UNC5C: variants seen among roughly 807,000 people sequenced by gnomAD.
The protein encoded by UNC5C is unc-5 netrin receptor C, also known as netrin receptor UNC5C.
UNC5C carries 47 observed loss-of-function variants against 99.8 expected under a neutral mutation model. That is an observed-to-expected ratio of 0.47 (90% CI 0.37 to 0.60). UNC5C has a LOEUF of 0.60. UNC5C is among the 20% of genes least tolerant of loss of function. The pLI is 0.00. For synonymous variants in UNC5C, 487 were observed against 452.2 expected, an observed-to-expected ratio of 1.08 and a Z score of -0.98; for missense variants, 1,062 against 1,165.9, an observed-to-expected ratio of 0.91 and a Z score of 1.30.
At chr4:95,441,989 T>C (rs915027067) in intron 1 of UNC5C, among the ~76,000 whole-genome samples, 1 of 152,166 alleles carries the variant, frequency 6.6e-6, no homozygotes, top group African/African-American at 2.4e-5. Context: ...ACCTGGTTAG[T>C]GTAAAGAATT....
Position 95,165,453 on chromosome 4 carries a change from T to G in UNC5C, c.*3781A>C, listed in dbSNP as rs1167571342. 6.6e-6 allele frequency: 1 copy of G among 152,228 alleles called. No homozygotes were observed. The highest frequency in any genetic ancestry group is 1.5e-5 in the Non-Finnish European group (1 of 68,050). 9.4% of individuals were successfully genotyped at this position (152,228 alleles called of 1,614,324 possible). ...GACTGTTCATTTGGAAGATGCCGTT[T>G]GTGAAACAGCTGTTAGCTGTGAGAA... On this transcript the variant is annotated 3_prime_UTR_variant, in exon 16 of 16. Transcript: ENST00000453304.
intron 2 of UNC5C, among the ~76,000 whole-genome samples, chr4:95,306,791 C>T (rs1002523512): frequency 1.3e-5 from 2 of 152,148 alleles, no homozygotes; most frequent in African/African-American, 4.8e-5. Flanking sequence ...AGAAGAACTG[C>T]AGAGCTCCCT....
chr4:95,476,465 T>C (rs956208039), intron 1 of UNC5C, among the ~76,000 whole-genome samples: 1 of 152,066 alleles, frequency 6.6e-6, no homozygotes. Context: ...AGATGAAATA[T>C]TGCACAAATT....
chr4:95,546,965 C>G (rs1038051746), intron 1 of UNC5C, among the ~76,000 whole-genome samples: 4 of 152,026 alleles, frequency 2.6e-5, no homozygotes, highest in Admixed American at 2.6e-4. Flanking sequence ...TGGCTCAGTC[C>G]TTTGTATGCC....
chr4:95,403,145 T>TA (rs1408267654), intron 1 of UNC5C, among the ~76,000 whole-genome samples: 2 of 151,988 alleles, frequency 1.3e-5, no homozygotes, highest in East Asian at 1.9e-4. Flanking sequence ...GCAATAAAAA[T>TA]AAAAAAAGAG....
intron 1 of UNC5C, among the ~76,000 whole-genome samples, chr4:95,347,192 G>A (rs994617422): frequency 6.6e-6 from 1 of 151,836 alleles, no homozygotes; most frequent in African/African-American, 2.4e-5. Context: ...AAAATCCCTA[G>A]GCATTAATTA....
chr4:95,512,877 T>G (rs1722115341), intron 1 of UNC5C, among the ~76,000 whole-genome samples: 1 of 152,172 alleles, frequency 6.6e-6, no homozygotes, highest in African/African-American at 2.4e-5. Flanking sequence ...AAATTATTAA[T>G]CAGAAGTATT....
At chr4:95,333,038 T>A (rs1743182939) in intron 2 of UNC5C, among the ~76,000 whole-genome samples, 1 of 152,114 alleles carries the variant, frequency 6.6e-6, no homozygotes, top group Non-Finnish European at 1.5e-5. Context: ...CCCACACCAG[T>A]TAGAATGGCA....
intron 12 of UNC5C, among the ~76,000 whole-genome samples, chr4:95,195,980 A>G (rs949218831): frequency 1.3e-5 from 2 of 152,192 alleles, no homozygotes; most frequent in African/African-American, 4.8e-5. Flanking sequence ...AATTCAATAA[A>G]TATCATACAC....
chr4:95,375,893 C>A (rs181360839), intron 1 of UNC5C, among the ~76,000 whole-genome samples: 1 of 151,862 alleles, frequency 6.6e-6, no homozygotes, highest in Non-Finnish European at 1.5e-5. Context: ...CTGGCTAACA[C>A]GGTGAAACCC....
Position 95,335,359 on chromosome 4 carries a change from TAGTG to T in UNC5C, c.346+47_346+50del, listed in dbSNP as rs778642104. On this transcript the variant is annotated intron_variant, in intron 2 of 15. Transcript: ENST00000453304. ...ATAACAGTATGTCCACATGCTAGAG[TAGTG>T]AGTAAGTGAATCTTGAAGTGCAATG... The T allele has an allele frequency of 8.7e-5, 129 of 1,482,136 alleles. 4 individuals are homozygous for T. The South Asian group carries it at 1.4e-3, about 16-fold the overall frequency. The allele number at this position is 1,482,136 out of a possible 1,614,324, so 91.8% of individuals were successfully genotyped here.
intron 1 of UNC5C, among the ~76,000 whole-genome samples, chr4:95,406,407 G>T (rs1031059923): frequency 6.6e-6 from 1 of 152,110 alleles, no homozygotes; most frequent in African/African-American, 2.4e-5. Context: ...TAGGTACCGT[G>T]GCAGGATTTT....
chr4:95,305,004 C>G (rs1742011165), intron 2 of UNC5C, among the ~76,000 whole-genome samples: 1 of 152,158 alleles, frequency 6.6e-6, no homozygotes, highest in South Asian at 2.1e-4. Flanking sequence ...CAGACCAACC[C>G]TCCTGCTACA....
intron 1 of UNC5C, among the ~76,000 whole-genome samples, chr4:95,349,443 C>T (rs948152881): frequency 2.0e-5 from 3 of 148,160 alleles, no homozygotes; most frequent in African/African-American, 7.4e-5. Flanking sequence ...AGCTGATGCA[C>T]ACAAACATTG....
chr4:95,426,157 T>G (rs1434133223), intron 1 of UNC5C, among the ~76,000 whole-genome samples: 1 of 152,260 alleles, frequency 6.6e-6, no homozygotes, highest in Non-Finnish European at 1.5e-5. Flanking sequence ...ACTTCATATC[T>G]CTATGTCACA....
chr4:95,188,296 G>A (rs1736915908), intron 12 of UNC5C, among the ~76,000 whole-genome samples: 1 of 152,104 alleles, frequency 6.6e-6, no homozygotes, highest in East Asian at 1.9e-4. Context: ...AACTGGTATC[G>A]TTGCACTAAA....
At chr4:95,411,355 A>G (rs1745987512) in intron 1 of UNC5C, among the ~76,000 whole-genome samples, 1 of 152,202 alleles carries the variant, frequency 6.6e-6, no homozygotes, top group Admixed American at 6.5e-5. Flanking sequence ...TTAGGGGTAC[A>G]TAGTGCAGAA....
intron 1 of UNC5C, among the ~76,000 whole-genome samples, chr4:95,488,018 A>G (rs1721375043): frequency 6.6e-6 from 1 of 151,756 alleles, no homozygotes. Flanking sequence ...TGTTTTGTAT[A>G]GGACTAACGA....
intron 7 of UNC5C, among the ~76,000 whole-genome samples, chr4:95,241,303 G>T (rs549490664): frequency 1.3e-5 from 2 of 152,220 alleles, no homozygotes; most frequent in Non-Finnish European, 2.9e-5. Context: ...CCGTTCTTGG[G>T]GAATGCAGTG....
Sources: gnomAD v4.1 joint callset for allele counts (sites outside exome capture counted in the v4.1 genomes callset) on GRCh38, gnomAD v4.1.1 for gene constraint, MANE v1.5 for transcripts, NCBI Gene and HGNC (gene_info 2026-07-23, HGNC 2026-07-21) for gene names.